CCBE1: variants seen among roughly 807,000 people sequenced by gnomAD.
The protein encoded by CCBE1 is collagen and calcium binding EGF domains 1.
A neutral mutation model predicts 50.0 loss-of-function variants in CCBE1; 37 were observed. That is an observed-to-expected ratio of 0.74 (90% CI 0.57 to 0.97). CCBE1 has a LOEUF of 0.97. Ranked by LOEUF, CCBE1 falls within the 50% of genes least tolerant of loss-of-function variation. CCBE1 has a pLI of 0.00. For missense variants in CCBE1, 538 were observed against 523.8 expected, an observed-to-expected ratio of 1.03 and a Z score of -0.26; for synonymous variants, 234 against 203.7, an observed-to-expected ratio of 1.15 and a Z score of -1.27.
At chr18:59,561,953 C>T (rs948904302) in intron 2 of CCBE1, among the ~76,000 whole-genome samples, 1 of 152,156 alleles carries the variant, frequency 6.6e-6, no homozygotes, top group Non-Finnish European at 1.5e-5. Flanking sequence ...CTATTGCCCC[C>T]TGAGGTGTTC....
At chr18:59,520,616 G>GCA (rs1568184249) in intron 2 of CCBE1, among the ~76,000 whole-genome samples, 1 of 152,218 alleles carries the variant, frequency 6.6e-6, no homozygotes, top group Non-Finnish European at 1.5e-5. Flanking sequence ...ATGTGCGCCT[G>GCA]CACACACACA....
At chr18:59,618,849 T>A (rs146155694) in intron 2 of CCBE1, among the ~76,000 whole-genome samples, 7 of 152,244 alleles carry the variant, frequency 4.6e-5, no homozygotes, top group East Asian at 1.9e-4. Context: ...AGTTTTTTTT[T>A]AATAACTATA....
chr18:59,473,799 CAACCCTCCCACTATTCCCCCCT>C, intron 3 of CCBE1, among the ~76,000 whole-genome samples: 2 of 143,542 alleles, frequency 1.4e-5, no homozygotes, highest in African/African-American at 2.6e-5. Context: ...ACTCATCATC[CAACCCTCCCACTATTCCCCCCT>C]ACTACTCACC....
At chr18:59,695,694 C>G (rs2054795600) in intron 2 of CCBE1, among the ~76,000 whole-genome samples, 1 of 152,180 alleles carries the variant, frequency 6.6e-6, no homozygotes, top group South Asian at 2.1e-4. Context: ...TGTTTTCTTT[C>G]AAGTTCGTTT....
chr18:59,485,943 G>C (rs1912805565), intron 2 of CCBE1, among the ~76,000 whole-genome samples: 1 of 151,758 alleles, frequency 6.6e-6, no homozygotes, highest in Non-Finnish European at 1.5e-5. Flanking sequence ...GCATGTTTGA[G>C]AGTATTTGAG....
At chr18:59,579,458 G>A (rs983768195) in intron 2 of CCBE1, among the ~76,000 whole-genome samples, 3 of 151,614 alleles carry the variant, frequency 2.0e-5, no homozygotes, top group Non-Finnish European at 4.4e-5. Flanking sequence ...CAGAGGTCCC[G>A]GTATGTCACC....
rs139627070 is a variant in CCBE1, at chr18:59,440,825, G to A, written c.776-1009C>T. Among the ~76,000 whole-genome samples the A allele has an allele frequency of 2.1e-3, 327 of 152,222 alleles. 2 individuals carry two copies. Among genetic ancestry groups the A allele is most frequent in the African/African-American group, 6.9e-3 (287 of 41,550 alleles). On this transcript the variant is annotated intron_variant, in intron 7 of 10. Coordinates refer to ENST00000439986, the MANE Select transcript of CCBE1 (RefSeq NM_133459.4). ...GGAGCAGGAGAACTGAAAATGTCCC[G>A]TTGCCCCACAACTCTAGCATGGAGT...
intron 2 of CCBE1, among the ~76,000 whole-genome samples, chr18:59,690,817 T>C (rs2054720469): frequency 6.6e-6 from 1 of 152,228 alleles, no homozygotes; most frequent in South Asian, 2.1e-4. Flanking sequence ...GGACCCCCTT[T>C]AAAACCTTGA....
chr18:59,557,370 G>C (rs1464764146), intron 2 of CCBE1, among the ~76,000 whole-genome samples: 1 of 152,018 alleles, frequency 6.6e-6, no homozygotes, highest in African/African-American at 2.4e-5. Context: ...GTTTCTGCTT[G>C]TCTGATTCCC....
intron 2 of CCBE1, among the ~76,000 whole-genome samples, chr18:59,512,719 T>A (rs1331045578): frequency 1.3e-5 from 2 of 152,314 alleles, no homozygotes; most frequent in South Asian, 4.1e-4. Flanking sequence ...GTCTGCTAGA[T>A]GACATGGAGC....
intron 2 of CCBE1, among the ~76,000 whole-genome samples, chr18:59,593,973 G>A (rs2053313139): frequency 6.6e-6 from 1 of 152,178 alleles, no homozygotes; most frequent in Admixed American, 6.5e-5. Context: ...GTGCATTCAA[G>A]AACCATGTCC....
intron 2 of CCBE1, among the ~76,000 whole-genome samples, chr18:59,500,817 C>A (rs1182791454): frequency 1.3e-5 from 2 of 152,186 alleles, no homozygotes; most frequent in Non-Finnish European, 1.5e-5. Flanking sequence ...AAAGACTGTT[C>A]CTACTGCTGT....
intron 2 of CCBE1, among the ~76,000 whole-genome samples, chr18:59,573,608 C>G (rs985997925): frequency 6.6e-6 from 1 of 151,950 alleles, no homozygotes; most frequent in Admixed American, 6.6e-5. Context: ...GACATTCACA[C>G]TCTTTTCTCA....
At chr18:59,513,991 C>A (rs1431751332) in intron 2 of CCBE1, among the ~76,000 whole-genome samples, 12 of 152,146 alleles carry the variant, frequency 7.9e-5, no homozygotes, top group Non-Finnish European at 1.6e-4. Flanking sequence ...GCAGGGACCC[C>A]AGTAGCCACA....
chr18:59,474,110 T>C (rs1272881798), intron 3 of CCBE1, among the ~76,000 whole-genome samples: 3 of 152,234 alleles, frequency 2.0e-5, no homozygotes, highest in Non-Finnish European at 2.9e-5. Flanking sequence ...GGTGTATATG[T>C]ACCACATTTT....
chr18:59,492,028 C>A (rs1913128300), intron 2 of CCBE1, among the ~76,000 whole-genome samples: 1 of 151,260 alleles, frequency 6.6e-6, no homozygotes, highest in South Asian at 2.1e-4. Flanking sequence ...GCCTATAATC[C>A]CAGCTACTCG....
chr18:59,518,255 G>A (rs528259926), intron 2 of CCBE1, among the ~76,000 whole-genome samples: 15 of 152,202 alleles, frequency 9.9e-5, no homozygotes, highest in African/African-American at 2.7e-4. Context: ...CTGGGAGGCC[G>A]AGGCTGGCAG....
intron 2 of CCBE1, among the ~76,000 whole-genome samples, chr18:59,610,639 TTGTCTGACC>T (rs905660198): frequency 2.0e-5 from 3 of 152,228 alleles, no homozygotes; most frequent in African/African-American, 7.2e-5. Context: ...ATATCTGGCC[TTGTCTGACC>T]TGTTTTCCAA....
At chr18:59,669,975 C>T (rs2054410066) in intron 2 of CCBE1, among the ~76,000 whole-genome samples, 2 of 152,208 alleles carry the variant, frequency 1.3e-5, no homozygotes, top group Non-Finnish European at 1.5e-5. Context: ...GAATATTTGG[C>T]TGCTACGAAG....
Sources: gnomAD v4.1 joint callset for allele counts (sites outside exome capture counted in the v4.1 genomes callset) on GRCh38, gnomAD v4.1.1 for gene constraint, MANE v1.5 for transcripts, NCBI Gene and HGNC (gene_info 2026-07-23, HGNC 2026-07-21) for gene names.